The following MAP2K5 variants were observed in gnomAD, a reference collection of about 807,000 sequenced individuals.
MAP2K5 encodes mitogen-activated protein kinase kinase 5, also known as dual specificity mitogen-activated protein kinase kinase 5.
In MAP2K5, 49 loss-of-function variants were observed where a neutral mutation model predicts 83.1. The ratio of observed to expected loss-of-function variants is 0.59; its 90% confidence interval spans 0.47 to 0.75. MAP2K5 has a LOEUF of 0.75. Among genes scored for constraint, MAP2K5 ranks in the 30% least tolerant of loss-of-function variants. The probability of loss-of-function intolerance (pLI) is 0.00; values close to 1 mark genes in which losing one functional copy is unlikely to be tolerated. For synonymous variants in MAP2K5, 202 were observed against 191.8 expected (o/e 1.05, Z -0.44); for missense variants, 457 against 557.5 (o/e 0.82, Z 1.82).
At chr15:67,710,203 C>T (rs533387752) in intron 16 of MAP2K5, among the ~76,000 whole-genome samples, 1 of 152,312 alleles carries the variant, frequency 6.6e-6, no homozygotes, top group African/African-American at 2.4e-5. Flanking sequence ...GCATTTTGCT[C>T]TTTTCACTTG....
rs1230398407 is a variant in MAP2K5 at position 67,781,400 on chromosome 15, G to A, written c.1242+8648G>A. Among the ~76,000 whole-genome samples the A allele has an allele frequency of 2.6e-5, 4 of 152,166 alleles. No individual in the cohort carries two copies. Among genetic ancestry groups the A allele is most frequent in the African/African-American group, 9.7e-5 (4 of 41,434 alleles). ...TGAGAGAGACCTTTGGGGATTGTGA[G>A]TCTTGTGGTTTCGGATACAGAGTTA... On this transcript the variant is annotated intron_variant, in intron 21 of 21. Transcript: ENST00000178640. The surrounding 1 kb of genome is among the most constrained non-coding windows in gnomAD (Gnocchi z 4.0).
intron 2 of MAP2K5, among the ~76,000 whole-genome samples, chr15:67,550,563 CCACAGTTGGCCTGGG>C (rs939116450): frequency 6.6e-6 from 1 of 152,124 alleles, no homozygotes; most frequent in Non-Finnish European, 1.5e-5. Context: ...TCCTTTTTCC[CCACAGTTGGCCTGGG>C]GACAGGGCCA....
At chr15:67,553,704 G>A (rs1480327518) in intron 2 of MAP2K5, among the ~76,000 whole-genome samples, 2 of 151,868 alleles carry the variant, frequency 1.3e-5, no homozygotes, top group African/African-American at 4.8e-5. Flanking sequence ...ATGAGGTCAG[G>A]AGATCGAGAC....
Position 67,543,542 on chromosome 15 carries a change from A to G in MAP2K5, c.135+72A>G, listed in dbSNP as rs1043928076. On this transcript the variant is annotated intron_variant, in intron 1 of 21. Transcript: ENST00000178640. This position sits in a 1 kb window ranked among gnomAD's most constrained non-coding sequence, Gnocchi z 4.3. Reference sequence around the variant, plus strand: ...GACTTGAGTAGTCAGCACCTTGACCACTGGTGACCTGAGCCAGTGGCAATG... The same window carrying G: ...GACTTGAGTAGTCAGCACCTTGACCGCTGGTGACCTGAGCCAGTGGCAATG... 7 of 1,574,368 alleles carry G rather than the reference A, an allele frequency of 4.4e-6. No individual in the cohort carries two copies. The highest frequency in any genetic ancestry group is 6.1e-6 in the Non-Finnish European group (7 of 1,148,550).
At chr15:67,703,275 G>A (rs976888380) in intron 15 of MAP2K5, 62 bp from the exon 16 acceptor site, 33 of 1,215,270 alleles carry the variant, frequency 2.7e-5, no homozygotes, top group Admixed American at 8.8e-5. Flanking sequence ...AGCTTATTTT[G>A]GTGTATGTGT....
In MAP2K5 at chr15:67,781,808, T is replaced by G. The variant is rs532524555; in HGVS notation, c.1242+9056T>G. Among the ~76,000 whole-genome samples, 9 of 152,326 alleles carry G rather than the reference T, an allele frequency of 5.9e-5. No homozygotes were observed. In the East Asian group the frequency reaches 1.7e-3, roughly 29 times the overall value. ...TCAGAAGGCTTCTGAATGGCCTGCATCTCTTTCTAAATTTGAGGGGGAGGG... is the reference window on the plus strand; with the variant it reads ...TCAGAAGGCTTCTGAATGGCCTGCAGCTCTTTCTAAATTTGAGGGGGAGGG... On this transcript the variant is annotated intron_variant, in intron 21 of 21. Coordinates refer to ENST00000178640, the MANE Select transcript of MAP2K5 (RefSeq NM_145160.3). The surrounding 1 kb of genome is among the most constrained non-coding windows in gnomAD (Gnocchi z 4.0).
At chr15:67,709,478 CAAAAA>C in intron 16 of MAP2K5, among the ~76,000 whole-genome samples, 1 of 129,716 alleles carries the variant, frequency 7.7e-6, no homozygotes, top group African/African-American at 2.9e-5. Flanking sequence ...GACTTCAGGG[CAAAAA>C]AAAAAAAAAA....
chr15:67,617,440 A>G (rs2086079430), intron 8 of MAP2K5, among the ~76,000 whole-genome samples: 1 of 152,234 alleles, frequency 6.6e-6, no homozygotes, highest in African/African-American at 2.4e-5. Flanking sequence ...CAGAAAATGT[A>G]TGATCAGCTC....
Position 67,572,501 on chromosome 15 carries a change from A to G in MAP2K5, c.253-8253A>G, listed in dbSNP as rs755452133. ...GTGAAAGTAAGTTTATTAAGAAAGT[A>G]AAGTGGTGAAAGAATAGCTACTCAC... On this transcript the variant is annotated intron_variant, in intron 3 of 21. Coordinates refer to ENST00000178640, the MANE Select transcript of MAP2K5 (RefSeq NM_145160.3). The surrounding 1 kb of genome is among the most constrained non-coding windows in gnomAD (Gnocchi z 4.2). 2.6e-5 allele frequency among the ~76,000 whole-genome samples: 4 copies of G among 152,178 alleles called. No homozygotes were observed. Among genetic ancestry groups the G allele is most frequent in the Non-Finnish European group, 5.9e-5 (4 of 68,036 alleles).
intron 8 of MAP2K5, among the ~76,000 whole-genome samples, chr15:67,621,856 A>G (rs2086193628): frequency 6.6e-6 from 1 of 152,190 alleles, no homozygotes; most frequent in African/African-American, 2.4e-5. Context: ...TAATAAATTA[A>G]TAAATTTTAT....
At chr15:67,713,125 A>G (rs2088737014) in intron 16 of MAP2K5, among the ~76,000 whole-genome samples, 1 of 152,052 alleles carries the variant, frequency 6.6e-6, no homozygotes, top group African/African-American at 2.4e-5. Context: ...GTATTCCTAT[A>G]GAAAAAAAAT....
rs1596663123 is a variant in MAP2K5 at position 67,621,153 on chromosome 15, A to G, written c.546-9735A>G. 2.0e-5 allele frequency among the ~76,000 whole-genome samples: 3 copies of G among 152,150 alleles called. No individual in the cohort carries two copies. In the East Asian group the frequency reaches 5.8e-4, roughly 29 times the overall value. On this transcript the variant is annotated intron_variant, in intron 8 of 21. Transcript: ENST00000178640. ...TCAAAAGAATGCTGCTACTGTGGTT[A>G]TATTAACATAAGACAAAATAGACTT... is the stretch of plus-strand genomic sequence containing the variant.
intron 7 of MAP2K5, 25 bp from the exon 8 acceptor site, chr15:67,600,660 T>C: frequency 6.3e-7 from 1 of 1,597,910 alleles, no homozygotes; most frequent in East Asian, 2.2e-5. Context: ...GACACCCTTT[T>C]TGTTTTTCTT....
rs1291507974 is a variant in MAP2K5 at position 67,600,757 on chromosome 15, G to A, written c.545+8G>A. The A allele has an allele frequency of 6.3e-7, 1 of 1,591,332 alleles. No homozygotes were observed. The highest frequency in any genetic ancestry group is 8.5e-7 in the Non-Finnish European group (1 of 1,171,816). Reference sequence around the variant, plus strand: ...CGGAGGCACAGTCTACAAGTGAGTAGTCAATTTTGTTTAAACTTTCTATCC... The same window carrying A: ...CGGAGGCACAGTCTACAAGTGAGTAATCAATTTTGTTTAAACTTTCTATCC... On this transcript the variant is annotated splice_region_variant and intron_variant, in intron 8 of 21. Coordinates refer to ENST00000178640, the MANE Select transcript of MAP2K5 (RefSeq NM_145160.3).
intron 5 of MAP2K5, among the ~76,000 whole-genome samples, chr15:67,586,388 C>A (rs1218914871): frequency 6.6e-6 from 1 of 152,064 alleles, no homozygotes; most frequent in Non-Finnish European, 1.5e-5. Context: ...GAAAAGCTGG[C>A]TTTTGTATTA....
chr15:67,547,599 A>G (rs2084422814), intron 1 of MAP2K5, among the ~76,000 whole-genome samples: 1 of 151,662 alleles, frequency 6.6e-6, no homozygotes. Context: ...GGGATTACAG[A>G]TACACACCAC....
At chr15:67,645,894 A>G (rs144522875) in intron 9 of MAP2K5, among the ~76,000 whole-genome samples, 118 of 152,256 alleles carry the variant, frequency 7.8e-4, no homozygotes, top group African/African-American at 2.7e-3. Flanking sequence ...GGTCATTCCT[A>G]TGCTCCTCTT....
In MAP2K5 at chr15:67,738,387, C is replaced by A. The variant is rs919967030; in HGVS notation, c.1075-9844C>A. Among the ~76,000 whole-genome samples, 4 of 152,194 alleles carry A rather than the reference C, an allele frequency of 2.6e-5. No individual in the cohort carries two copies. Among genetic ancestry groups the A allele is most frequent in the African/African-American group, 9.7e-5 (4 of 41,422 alleles). On this transcript the variant is annotated intron_variant, in intron 17 of 21. Transcript: ENST00000178640. The surrounding 1 kb of genome is among the most constrained non-coding windows in gnomAD (Gnocchi z 4.1). ...TTCCAGGCCCTGCTCTTTGGATAGC[C>A]CTATGCCTTCTTGGTAGCCAGGCAG...
In MAP2K5 at chr15:67,744,502, G is replaced by T. The variant is rs1254813661; in HGVS notation, c.1075-3729G>T. On this transcript the variant is annotated intron_variant, in intron 17 of 21. Coordinates refer to ENST00000178640, the MANE Select transcript of MAP2K5 (RefSeq NM_145160.3). ...CACATAAATCTTCCAGACAAGAGCT[G>T]CAGGGCAAGCCATAATTTCAGAGAG... Among the ~76,000 whole-genome samples the T allele has an allele frequency of 4.6e-5, 7 of 152,342 alleles. 1 individual carries two copies. The highest frequency in any genetic ancestry group is 8.8e-5 in the Non-Finnish European group (6 of 68,032).
Sources: allele counts gnomAD v4.1 joint callset (sites outside exome capture counted in the v4.1 genomes callset), GRCh38; gene constraint gnomAD v4.1.1; non-coding constraint Gnocchi (gnomAD v3.1); transcripts MANE v1.5; gene names NCBI Gene and HGNC (gene_info 2026-07-23, HGNC 2026-07-21).